Variants in ADAMTS2 observed in about 807,000 individuals in gnomAD.
ADAMTS2 encodes the protein ADAM metallopeptidase with thrombospondin type 1 motif 2.
ADAMTS2 carries 50 observed loss-of-function variants against 123.0 expected under a neutral mutation model. The observed-to-expected ratio is 0.41, with a 90% confidence interval of 0.32 to 0.51. The LOEUF (loss-of-function observed/expected upper bound fraction) is 0.51. ADAMTS2 is among the 20% of genes least tolerant of loss of function. The probability of loss-of-function intolerance (pLI) is 0.35; values close to 1 mark genes in which losing one functional copy is unlikely to be tolerated. For missense variants in ADAMTS2, 1,494 were observed against 1,705.2 expected (o/e 0.88, Z 2.18); for synonymous variants, 678 against 695.4 (o/e 0.98, Z 0.39).
chr5:179,136,914 G>A (rs1177575583), intron 12 of ADAMTS2, among the ~76,000 whole-genome samples: 2 of 151,714 alleles, frequency 1.3e-5, no homozygotes, highest in African/African-American at 4.8e-5. Flanking sequence ...AGGTTGCAGT[G>A]AGCAGAGATC....
At chr5:179,223,576 G>A (rs11749097) in intron 3 of ADAMTS2, among the ~76,000 whole-genome samples, 4 of 62,468 alleles carry the variant, frequency 6.4e-5, no homozygotes, top group South Asian at 1.0e-3. Flanking sequence ...GAATGCACTC[G>A]CACACGCATG....
At chr5:179,320,720 A>C (rs561860756) in intron 2 of ADAMTS2, among the ~76,000 whole-genome samples, 3 of 152,212 alleles carry the variant, frequency 2.0e-5, no homozygotes, top group Admixed American at 2.0e-4. Flanking sequence ...AGCCTAGGCC[A>C]GGTAGAATAC....
intron 2 of ADAMTS2, among the ~76,000 whole-genome samples, chr5:179,305,746 G>A (rs533252806): frequency 6.6e-6 from 1 of 151,958 alleles, no homozygotes; most frequent in South Asian, 2.1e-4. Flanking sequence ...GACTGAAGAA[G>A]AGAAACAGAA....
At chr5:179,146,023 T>G (rs11955365) in intron 10 of ADAMTS2, among the ~76,000 whole-genome samples, 27,847 of 152,116 alleles carry the variant, frequency 0.18, 3,177 homozygotes, top group African/African-American at 0.32. Context: ...CAGCTAATTT[T>G]TTTGTATTTT....
Position 179,135,922 on chromosome 5 carries a change from C to T in ADAMTS2, c.2072G>A (p.Arg691His), listed in dbSNP as rs201052588. Residue 691 changes from arginine to histidine, a missense_variant, in exon 13 of 22, where the codon CGC becomes CAC. Coordinates refer to ENST00000251582, the MANE Select transcript of ADAMTS2 (RefSeq NM_014244.5). ...CTGTGTACTCACCCTGCAGTCCCCGCGCACACAGAGGCTGAAGGCGTCCTT... is the reference window on the plus strand; with the variant it reads ...CTGTGTACTCACCCTGCAGTCCCCGTGCACACAGAGGCTGAAGGCGTCCTT... ...SYKDAFSLCV[R>H]GDCRKVGCDG... The T allele has an allele frequency of 7.4e-6, 12 of 1,613,178 alleles. No individual in the cohort carries two copies. The highest frequency in any genetic ancestry group is 6.7e-5 in the East Asian group (3 of 44,886).
At chr5:179,244,805 G>A (rs971484087) in intron 3 of ADAMTS2, among the ~76,000 whole-genome samples, 2 of 152,170 alleles carry the variant, frequency 1.3e-5, no homozygotes, top group Admixed American at 6.5e-5. Flanking sequence ...TGAATCCACC[G>A]CAACAAATGA....
rs10682376 is a variant in ADAMTS2 at position 179,292,336 on chromosome 5, A to ACCC, written c.535-19275_535-19273dup. On this transcript the variant is annotated intron_variant, in intron 2 of 21. Coordinates refer to ENST00000251582, the MANE Select transcript of ADAMTS2 (RefSeq NM_014244.5). ...TGTGAGCGGTAACAGCTTTGCTATT[A>ACCC]CCCCCCAGCTGTGGGAGATATAAAT... is the stretch of plus-strand genomic sequence containing the variant. Among the ~76,000 whole-genome samples, 1,396 of 149,100 alleles carry ACCC rather than the reference A, an allele frequency of 9.4e-3. 15 individuals are homozygous for ACCC. The highest frequency in any genetic ancestry group is 0.032 in the African/African-American group (1,304 of 40,360).
chr5:179,207,558 G>C lies in ADAMTS2; in HGVS notation c.846C>G (p.His282Gln). Residue 282 changes from histidine (H) to glutamine (Q), a missense_variant, in exon 4 of 22, where the codon CAC becomes CAG. This residue lies in a region of ADAMTS2 where 184 missense variants were observed against 152.1 expected (regional missense o/e 1.21). Coordinates refer to ENST00000251582, the MANE Select transcript of ADAMTS2 (RefSeq NM_014244.5). ...LGVDDSVVQF[H>Q]GKEHVQKYLL... Reference sequence around the variant, plus strand: ...GGTACTTCTGTACGTGCTCCTTCCCGTGGAACTGCACCACAGAGTCATCCA... The same window carrying C: ...GGTACTTCTGTACGTGCTCCTTCCCCTGGAACTGCACCACAGAGTCATCCA... The C allele has an allele frequency of 6.9e-7, 1 of 1,444,520 alleles. No homozygotes were observed. Among genetic ancestry groups the C allele is most frequent in the Non-Finnish European group, 9.2e-7 (1 of 1,082,820 alleles). 89.5% of individuals were successfully genotyped at this position (1,444,520 alleles called of 1,614,324 possible).
intron 2 of ADAMTS2, among the ~76,000 whole-genome samples, chr5:179,334,525 T>C (rs552492774): frequency 2.3e-4 from 35 of 152,368 alleles, no homozygotes; most frequent in Non-Finnish European, 3.7e-4. Flanking sequence ...CAGCAAGCGC[T>C]GTATTAAGCA....
Position 179,232,836 on chromosome 5 carries a change from T to G in ADAMTS2, c.689-25121A>C, listed in dbSNP as rs181297150. ...CAATTCCCATGTTTGTATACATTCT[T>G]CTTCTGTTTCTTTGGTTAAAGTTTC... On this transcript the variant is annotated intron_variant, in intron 3 of 21. Transcript: ENST00000251582. Among the ~76,000 whole-genome samples, 21 of 152,286 alleles carry G rather than the reference T, an allele frequency of 1.4e-4. No individual in the cohort carries two copies. In the East Asian group the frequency reaches 3.3e-3, roughly 24 times the overall value.
chr5:179,192,446 C>A (rs902599835), intron 4 of ADAMTS2, among the ~76,000 whole-genome samples: 1 of 152,222 alleles, frequency 6.6e-6, no homozygotes, highest in Non-Finnish European at 1.5e-5. Flanking sequence ...TCCCCCTGCA[C>A]CACCAGAGTC....
intron 2 of ADAMTS2, among the ~76,000 whole-genome samples, chr5:179,310,179 C>T (rs542420866): frequency 9.2e-5 from 14 of 152,358 alleles, no homozygotes; most frequent in Middle Eastern, 6.8e-3. Flanking sequence ...AGCGCTCAGG[C>T]GCTGAGATGC....
intron 10 of ADAMTS2, among the ~76,000 whole-genome samples, chr5:179,142,325 G>A (rs149014472): frequency 1.3e-5 from 2 of 152,228 alleles, no homozygotes; most frequent in Non-Finnish European, 2.9e-5. Context: ...GAAGTGTTTC[G>A]GATTTCAGAT....
chr5:179,275,374 G>A (rs150241938), intron 2 of ADAMTS2, among the ~76,000 whole-genome samples: 136 of 152,096 alleles, frequency 8.9e-4, no homozygotes, highest in African/African-American at 3.2e-3. Context: ...GGAGGAGGAA[G>A]CACCTGGTGG....
In ADAMTS2 at chr5:179,130,350, T is replaced by C. The variant is rs1305933515; in HGVS notation, c.2291-252A>G. On this transcript the variant is annotated intron_variant, in intron 15 of 21. Coordinates refer to ENST00000251582, the MANE Select transcript of ADAMTS2 (RefSeq NM_014244.5). The surrounding 1 kb of genome is among the most constrained non-coding windows in gnomAD (Gnocchi z 4.3). Reference sequence around the variant, plus strand: ...CCCCACCAGCCCTGGAGGTGCCGGCTCCCCTTGGAAGCCACTCAGTAGCCG... The same window carrying C: ...CCCCACCAGCCCTGGAGGTGCCGGCCCCCCTTGGAAGCCACTCAGTAGCCG... Among the ~76,000 whole-genome samples the C allele has an allele frequency of 6.6e-6, 1 of 151,916 alleles. No individual in the cohort carries two copies. The highest frequency in any genetic ancestry group is 1.5e-5 in the Non-Finnish European group (1 of 67,946).
Position 179,185,457 on chromosome 5 carries a change from T to C in ADAMTS2, c.892-4302A>G, listed in dbSNP as rs1435797426. Among the ~76,000 whole-genome samples the C allele has an allele frequency of 6.6e-6, 1 of 152,062 alleles. No homozygotes were observed. Among genetic ancestry groups the C allele is most frequent in the African/African-American group, 2.4e-5 (1 of 41,408 alleles). ...GATGCGGGGCTGGCCCTCTCCTGGC[T>C]CCTGGCCAGGCCCTGCCCCTCAGGA... On this transcript the variant is annotated intron_variant, in intron 4 of 21. Transcript: ENST00000251582. The surrounding 1 kb of genome is among the most constrained non-coding windows in gnomAD (Gnocchi z 5.9).
intron 3 of ADAMTS2, among the ~76,000 whole-genome samples, chr5:179,216,860 G>A (rs1764995271): frequency 6.6e-6 from 1 of 152,278 alleles, no homozygotes. Context: ...GGAAACGGCG[G>A]AGGTGGAGCA....
chr5:179,194,392 T>C (rs1006195901), intron 4 of ADAMTS2, among the ~76,000 whole-genome samples: 3 of 152,180 alleles, frequency 2.0e-5, no homozygotes, highest in Non-Finnish European at 4.4e-5. Context: ...AGGGCTGCTC[T>C]ATCCGGGTGC....
At chr5:179,294,095 A>G (rs537467340) in intron 2 of ADAMTS2, among the ~76,000 whole-genome samples, 2 of 152,144 alleles carry the variant, frequency 1.3e-5, no homozygotes, top group South Asian at 4.2e-4. Flanking sequence ...ATCTCTACAA[A>G]TAATTTAAAA....
Sources: allele counts gnomAD v4.1 joint callset (sites outside exome capture counted in the v4.1 genomes callset), GRCh38; gene constraint gnomAD v4.1.1; regional missense constraint gnomAD v4.1.1; non-coding constraint Gnocchi (gnomAD v3.1); transcripts MANE v1.5; gene names NCBI Gene and HGNC (gene_info 2026-07-23, HGNC 2026-07-21).